Variants in WDR33 observed in about 807,000 individuals in gnomAD.
WDR33 encodes pre-mRNA 3' end processing protein WDR33.
In WDR33, 47 loss-of-function variants were observed where a neutral mutation model predicts 164.9. The ratio of observed to expected loss-of-function variants is 0.29; its 90% CI spans 0.23 to 0.36. WDR33 has a LOEUF of 0.36. Among genes scored for constraint, WDR33 ranks in the 10% least tolerant of loss-of-function variants. The probability of loss-of-function intolerance (pLI) is 1.00; values close to 1 mark genes in which losing one functional copy is unlikely to be tolerated. For synonymous variants in WDR33, 505 were observed against 589.0 expected (o/e 0.86, Z 2.06); for missense variants, 1,137 against 1,754.1 (o/e 0.65, Z 6.28).
intron 1 of WDR33, among the ~76,000 whole-genome samples, chr2:127,796,893 G>A (rs145608692): frequency 3.2e-4 from 49 of 152,054 alleles, no homozygotes; most frequent in African/African-American, 1.1e-3. Flanking sequence ...ATAATTAACC[G>A]GAAAAACTGT....
chr2:127,797,438 G>A (rs1689078878), intron 1 of WDR33, among the ~76,000 whole-genome samples: 1 of 152,132 alleles, frequency 6.6e-6, no homozygotes, highest in Admixed American at 6.6e-5. Context: ...GTTGCAGTCA[G>A]CCAAGATCAC....
chr2:127,763,191 A>G lies in WDR33; in HGVS notation c.627-32T>C. 2 of 1,613,838 alleles carry G rather than the reference A, an allele frequency of 1.2e-6. No individual in the cohort carries two copies. The highest frequency in any genetic ancestry group is 1.7e-6 in the Non-Finnish European group (2 of 1,179,774). ...CATGAAGACACACAGCAGGGGAAAG[A>G]AGTCAGCATTTAACAGATAATCTGT... On this transcript the variant is annotated intron_variant, in intron 6 of 21. Coordinates refer to ENST00000322313, the MANE Select transcript of WDR33 (RefSeq NM_018383.5). The surrounding 1 kb of genome is among the most constrained non-coding windows in gnomAD (Gnocchi z 4.5).
At position 127,701,848 on chromosome 2, in the gene WDR33, A is replaced by C. The variant is rs1045202832; in HGVS notation, c.*4475T>G. On this transcript the variant is annotated 3_prime_UTR_variant, in exon 22 of 22. Coordinates refer to ENST00000322313, the MANE Select transcript of WDR33 (RefSeq NM_018383.5). ...CCGGTGTTGCTGCTGCGCGCGCGCA[A>C]GTTCGCGCTGCTCTGGTCACTGGGC... 6.9e-7 allele frequency: 1 copy of C among 1,459,574 alleles called. No homozygotes were observed. The highest frequency in any genetic ancestry group is 9.0e-7 in the Non-Finnish European group (1 of 1,110,510). 90.4% of individuals were successfully genotyped at this position (1,459,574 alleles called of 1,614,324 possible).
At chr2:127,791,161 C>A in intron 1 of WDR33, among the ~76,000 whole-genome samples, 2 of 57,478 alleles carry the variant, frequency 3.5e-5, no homozygotes, top group Non-Finnish European at 6.2e-5. Flanking sequence ...CTTTCCCCAC[C>A]CCACCCCCCC....
Position 127,706,244 on chromosome 2 carries a change from C to G in WDR33, c.*79G>C, listed in dbSNP as rs571482481. 1 of 1,326,556 alleles carries G rather than the reference C, an allele frequency of 7.5e-7. No homozygotes were observed. Among genetic ancestry groups the G allele is most frequent in the African/African-American group, 1.5e-5 (1 of 66,518 alleles). 82.2% of individuals were successfully genotyped at this position (1,326,556 alleles called of 1,614,324 possible). ...TTCAGGGCTACAATGGTGCAGGCTT[C>G]CTTTTGTTTCTCTTGGTGAGTCCAC... On this transcript the variant is annotated 3_prime_UTR_variant, in exon 22 of 22. Transcript: ENST00000322313. This position sits in a 1 kb window ranked among gnomAD's most constrained non-coding sequence, Gnocchi z 5.1.
intron 1 of WDR33, among the ~76,000 whole-genome samples, chr2:127,801,899 G>C (rs1689263214): frequency 6.6e-6 from 1 of 151,314 alleles, no homozygotes; most frequent in South Asian, 2.1e-4. Context: ...AAATGGTTAA[G>C]GCCAGGCACA....
chr2:127,804,608 G>T (rs551554622), intron 1 of WDR33, among the ~76,000 whole-genome samples: 1 of 152,260 alleles, frequency 6.6e-6, no homozygotes, highest in Non-Finnish European at 1.5e-5. Flanking sequence ...GTTAAAAATG[G>T]GTGAATCAGA....
At chr2:127,774,048 CT>C (rs776082351) in intron 1 of WDR33, among the ~76,000 whole-genome samples, 3,186 of 110,758 alleles carry the variant, frequency 0.029, 115 homozygotes, top group African/African-American at 0.096. Context: ...GCCCAAAAGC[CT>C]TTTTTTTTTT....
intron 1 of WDR33, among the ~76,000 whole-genome samples, chr2:127,781,044 A>C (rs1688352498): frequency 6.6e-6 from 1 of 152,070 alleles, no homozygotes; most frequent in South Asian, 2.1e-4. Flanking sequence ...TCGTATCTCT[A>C]ATAGAGACGG....
chr2:127,754,039 C>A (rs1687447328), intron 7 of WDR33, among the ~76,000 whole-genome samples: 1 of 152,086 alleles, frequency 6.6e-6, no homozygotes, highest in African/African-American at 2.4e-5. Context: ...TTATACTGTA[C>A]ATTTAAGACT....
intron 7 of WDR33, chr2:127,736,282 G>A (rs1686838982): frequency 4.1e-6 from 4 of 985,232 alleles, no homozygotes; most frequent in African/African-American, 1.7e-5. Flanking sequence ...CACTTCCGGG[G>A]GAGGAAGAGG....
chr2:127,791,237 C>T (rs1321957566), intron 1 of WDR33, among the ~76,000 whole-genome samples: 1 of 144,848 alleles, frequency 6.9e-6, no homozygotes, highest in East Asian at 2.1e-4. Flanking sequence ...TACCTCACTG[C>T]AGCCTCAAAC....
chr2:127,731,668 C>T (rs1686710236), intron 7 of WDR33, among the ~76,000 whole-genome samples: 1 of 152,160 alleles, frequency 6.6e-6, no homozygotes, highest in South Asian at 2.1e-4. Flanking sequence ...GCTCATAAAA[C>T]TGAGGCAGAA....
chr2:127,771,921 T>G (rs1057316487), intron 1 of WDR33, among the ~76,000 whole-genome samples: 2 of 152,104 alleles, frequency 1.3e-5, no homozygotes, highest in South Asian at 4.2e-4. Context: ...GGTGTGTATG[T>G]GTGAGTCAGT....
intron 3 of WDR33, 115 bp downstream of exon 3, chr2:127,768,818 A>T: frequency 1.6e-6 from 1 of 642,306 alleles, no homozygotes; most frequent in Non-Finnish European, 2.7e-6. Flanking sequence ...GGAATATTTT[A>T]ATTATAAAAA....
intron 7 of WDR33, among the ~76,000 whole-genome samples, chr2:127,728,794 G>A (rs1686630512): frequency 1.3e-5 from 2 of 152,098 alleles, no homozygotes; most frequent in Admixed American, 1.3e-4. Flanking sequence ...TGAGAAAGCA[G>A]TTTCAAATTA....
Position 127,704,519 on chromosome 2 carries a change from G to A in WDR33, c.*1804C>T, listed in dbSNP as rs1685965779. The A allele has an allele frequency of 6.0e-6, 1 of 166,886 alleles. No homozygotes were observed. Among genetic ancestry groups the A allele is most frequent in the African/African-American group, 2.4e-5 (1 of 41,372 alleles). The allele number at this position is 166,886 out of a possible 1,614,324, so 10.3% of individuals were successfully genotyped here. ...TCTCTCTTTAAGCTATACCAGTTGGGGGTGAGTGAAGAAATACCCATAACC... is the reference window on the plus strand; with the variant it reads ...TCTCTCTTTAAGCTATACCAGTTGGAGGTGAGTGAAGAAATACCCATAACC... On this transcript the variant is annotated 3_prime_UTR_variant, in exon 22 of 22. Transcript: ENST00000322313.
At chr2:127,795,118 T>TTTTTG (rs1688989836) in intron 1 of WDR33, among the ~76,000 whole-genome samples, 1 of 147,032 alleles carries the variant, frequency 6.8e-6, no homozygotes, top group South Asian at 2.2e-4. Flanking sequence ...TTTTTTTTTT[T>TTTTTG]GAGAGGGAGT....
intron 1 of WDR33, among the ~76,000 whole-genome samples, chr2:127,798,661 C>A (rs189552197): frequency 1.3e-5 from 2 of 152,064 alleles, no homozygotes; most frequent in Admixed American, 1.3e-4. Flanking sequence ...ATGACACATA[C>A]CATCTTAACA....
Sources: allele counts gnomAD v4.1 joint callset (sites outside exome capture counted in the v4.1 genomes callset), GRCh38; gene constraint gnomAD v4.1.1; non-coding constraint Gnocchi (gnomAD v3.1); transcripts MANE v1.5; gene names NCBI Gene and HGNC (gene_info 2026-07-23, HGNC 2026-07-21).